KIF1C: variants seen among roughly 807,000 people sequenced by gnomAD.
KIF1C encodes kinesin-like protein KIF1C.
A neutral mutation model predicts 126.5 loss-of-function variants in KIF1C; 61 were observed. The observed-to-expected ratio is 0.48, with a 90% confidence interval of 0.39 to 0.60. The LOEUF (loss-of-function observed/expected upper bound fraction) is 0.60. Among genes scored for constraint, KIF1C ranks in the 20% least tolerant of loss-of-function variants. KIF1C has a pLI of 0.00. For missense variants in KIF1C, 1,315 were observed against 1,489.2 expected, an observed-to-expected ratio of 0.88 and a Z score of 1.93; for synonymous variants, 640 against 580.6, an observed-to-expected ratio of 1.10 and a Z score of -1.47.
In KIF1C at chr17:5,002,541, G is replaced by A. The variant is rs770604372; in HGVS notation, c.507G>A (p.Arg169=). The part of the protein sequence containing the change: ...NPKSRGSLRV[R]EHPILGPYVQ... ...AGAGTCGGGGTTCTCTGCGGGTCCG[G>A]GAGCACCCCATCCTGGGCCCGTACG... Residue 169 remains arginine, a synonymous_variant, in exon 7 of 23, where the codon CGG becomes CGA. Transcript: ENST00000320785. The A allele has an allele frequency of 1.1e-5, 18 of 1,613,922 alleles. No individual in the cohort carries two copies. The highest frequency in any genetic ancestry group is 1.1e-4 in the East Asian group (5 of 44,892).
chr17:5,013,752 C>CT lies in KIF1C; in HGVS notation c.1571+21dup. On this transcript the variant is annotated intron_variant, in intron 17 of 22. Transcript: ENST00000320785. ...CACCAGGTAGCGTGTACCCAGCGGCCTGGGGGGCAGCCTCTGCTTTTGGGG... is the reference window on the plus strand; with the variant it reads ...CACCAGGTAGCGTGTACCCAGCGGCCTTGGGGGGCAGCCTCTGCTTTTGGGG... The CT allele has an allele frequency of 6.2e-7, 1 of 1,603,894 alleles. No homozygotes were observed. Among genetic ancestry groups the CT allele is most frequent in the Non-Finnish European group, 8.5e-7 (1 of 1,171,484 alleles).
chr17:5,024,116 G>A lies in KIF1C; in HGVS notation c.3277G>A (p.Ala1093Thr), dbSNP rs1269241991. 1.3e-5 allele frequency: 21 copies of A among 1,610,528 alleles called. No homozygotes were observed. Among genetic ancestry groups the A allele is most frequent in the Non-Finnish European group, 1.6e-5 (19 of 1,178,516 alleles). Residue 1093 changes from alanine to threonine, a missense_variant, in exon 23 of 23, where the codon GCC becomes ACC. By Grantham distance (58) the Ala-to-Thr change is moderately conservative. Around this residue, in one of 2 missense-constraint regions of KIF1C, gnomAD observed 441 missense variants for 436.1 expected, o/e 1.01. Transcript: ENST00000320785. ...TPPRMRRQRS[A>T]PDLKESGAAV Reference sequence around the variant, plus strand: ...CCCACGAATGAGACGGCAGCGTTCTGCCCCTGACCTCAAGGAGAGTGGGGC... The same window carrying A: ...CCCACGAATGAGACGGCAGCGTTCTACCCCTGACCTCAAGGAGAGTGGGGC...
Position 5,004,080 on chromosome 17 carries a change from G to T in KIF1C, c.940+7G>T. Reference sequence around the variant, plus strand: ...CTGCTCAAGGAAAATTTGGGTGAGGGCCTCTTCCTCTTTCTCTGCCGACCC... The same window carrying T: ...CTGCTCAAGGAAAATTTGGGTGAGGTCCTCTTCCTCTTTCTCTGCCGACCC... On this transcript the variant is annotated splice_region_variant and intron_variant, in intron 11 of 22. Transcript: ENST00000320785. The T allele has an allele frequency of 6.2e-7, 1 of 1,601,248 alleles. No individual in the cohort carries two copies. Among genetic ancestry groups the T allele is most frequent in the Non-Finnish European group, 8.6e-7 (1 of 1,168,818 alleles).
At chr17:5,008,604 A>G (rs180880791) in intron 16 of KIF1C, among the ~76,000 whole-genome samples, 1 of 152,358 alleles carries the variant, frequency 6.6e-6, no homozygotes, top group Admixed American at 6.5e-5. Context: ...CTGGGGGACT[A>G]AGCAAGCAGG....
rs554913519 is a variant in KIF1C at position 5,023,311 on chromosome 17, G to A, written c.2629-157G>A. Among the ~76,000 whole-genome samples the A allele has an allele frequency of 5.3e-5, 8 of 152,152 alleles. No individual in the cohort carries two copies. In the South Asian group the frequency reaches 6.2e-4, roughly 12 times the overall value. On this transcript the variant is annotated intron_variant, in intron 22 of 22. Coordinates refer to ENST00000320785, the MANE Select transcript of KIF1C (RefSeq NM_006612.6). This position sits in a 1 kb window ranked among gnomAD's most constrained non-coding sequence, Gnocchi z 4.2. ...TGCGATTACAGGCGTGAGCCACTGC[G>A]CCCGGCCCTAAACCACTATTTTTCG...
In KIF1C at chr17:5,023,807, T is replaced by C; in HGVS notation, c.2968T>C (p.Ser990Pro). The C allele has an allele frequency of 6.6e-7, 1 of 1,516,496 alleles. No individual in the cohort carries two copies. Among genetic ancestry groups the C allele is most frequent in the Non-Finnish European group, 8.8e-7 (1 of 1,134,244 alleles). 93.9% of individuals were successfully genotyped at this position (1,516,496 alleles called of 1,614,324 possible). ...CAAGAGCAACCCCCAGCACCGGGAG[T>C]CTTGGCCAGGGATGGGGAGCGGGGA... ...PFKSNPQHRE[S>P]WPGMGSGEAP... Residue 990 changes from serine (S) to proline (P), a missense_variant, in exon 23 of 23, where the codon TCT (serine) becomes CCT (proline). Around this residue, in one of 2 missense-constraint regions of KIF1C, gnomAD observed 441 missense variants for 436.1 expected, o/e 1.01. Coordinates refer to ENST00000320785, the MANE Select transcript of KIF1C (RefSeq NM_006612.6). This position sits in a 1 kb window ranked among gnomAD's most constrained non-coding sequence, Gnocchi z 4.2.
intron 8 of KIF1C, among the ~76,000 whole-genome samples, chr17:5,003,350 C>T (rs951566547): frequency 6.6e-6 from 1 of 152,176 alleles, no homozygotes; most frequent in African/African-American, 2.4e-5. Context: ...CCCGGCTGTT[C>T]TTACGAGACC....
In KIF1C at chr17:5,023,390, G is replaced by A. The variant is rs1271342236; in HGVS notation, c.2629-78G>A. The A allele has an allele frequency of 4.0e-6, 5 of 1,237,320 alleles. No individual in the cohort carries two copies. The highest frequency in any genetic ancestry group is 1.5e-5 in the African/African-American group (1 of 67,070). 76.6% of individuals were successfully genotyped at this position (1,237,320 alleles called of 1,614,324 possible). A position where few individuals can be genotyped will look rare whatever the true frequency, so the allele number is the denominator to read the frequency against. On this transcript the variant is annotated intron_variant, in intron 22 of 22. Transcript: ENST00000320785. This position sits in a 1 kb window ranked among gnomAD's most constrained non-coding sequence, Gnocchi z 4.2. Reference sequence around the variant, plus strand: ...GACCCTTTGACATCCAGCCACTCCAGGTCCCTCTTGAATCCACATGTCCTG... The same window carrying A: ...GACCCTTTGACATCCAGCCACTCCAAGTCCCTCTTGAATCCACATGTCCTG...
chr17:5,002,327 CT>C (rs1974615406), intron 6 of KIF1C, 136 bp from the exon 7 acceptor site: 2 of 985,626 alleles, frequency 2.0e-6, no homozygotes, highest in East Asian at 4.8e-5. Context: ...GGGCAGGTCG[CT>C]GAGCTAGCAT....
At position 4,998,173 on chromosome 17, in the gene KIF1C, G is replaced by C. The variant is rs1047505591; in HGVS notation, c.-149+17G>C. ...CGCGCCGAGGTGAGGGCTGGGGAAGGGGGAGGGAAGGGACGCCCGCGGAGG... is the reference window on the plus strand; with the variant it reads ...CGCGCCGAGGTGAGGGCTGGGGAAGCGGGAGGGAAGGGACGCCCGCGGAGG... On this transcript the variant is annotated intron_variant, in intron 1 of 22. Transcript: ENST00000320785. 7 of 152,626 alleles carry C rather than the reference G, an allele frequency of 4.6e-5. No homozygotes were observed. Among genetic ancestry groups the C allele is most frequent in the Admixed American group, 3.3e-4 (5 of 15,314 alleles). 9.5% of individuals were successfully genotyped at this position (152,626 alleles called of 1,614,324 possible). A position where few individuals can be genotyped will look rare whatever the true frequency, so the allele number is the denominator to read the frequency against.
chr17:5,002,695 G>C (rs1202886057), intron 7 of KIF1C, 36 bp from the exon 8 acceptor site: 22 of 1,612,992 alleles, frequency 1.4e-5, no homozygotes, highest in Non-Finnish European at 1.9e-5. Context: ...GGGAAGGTGA[G>C]AGGCAGGATC....
Position 5,014,816 on chromosome 17 carries a change from A to C in KIF1C, c.1645A>C (p.Ile549Leu). ...GGAGCAACACTGTCTGTTCCGGAGC[A>C]TCCCCCAGCCAGATGGAGAAGGTAA... is the stretch of plus-strand genomic sequence containing the variant. ...IREQHCLFRSIPQPDGEVVVT... is the reference protein window; with the variant it reads ...IREQHCLFRSLPQPDGEVVVT... The change falls in exon 18 of 23, where the codon ATC becomes CTC. Residue 549 changes from isoleucine (I) to leucine (L), a missense_variant. This residue lies in a region of KIF1C where 874 missense variants were observed against 1,053.2 expected (regional missense o/e 0.83). Coordinates refer to ENST00000320785, the MANE Select transcript of KIF1C (RefSeq NM_006612.6). The C allele has an allele frequency of 1.3e-6, 2 of 1,597,764 alleles. No individual in the cohort carries two copies. The highest frequency in any genetic ancestry group is 1.7e-4 in the Middle Eastern group (1 of 6,054).
At chr17:5,014,186 C>G (rs1974925297) in intron 17 of KIF1C, 1 of 175,978 alleles carries the variant, frequency 5.7e-6, no homozygotes, top group African/African-American at 2.4e-5. Flanking sequence ...GTGCCCTTCC[C>G]CTCCCACCAC....
At chr17:5,017,813 G>A (rs1370531636) in intron 18 of KIF1C, among the ~76,000 whole-genome samples, 1 of 152,056 alleles carries the variant, frequency 6.6e-6, no homozygotes, top group African/African-American at 2.4e-5. Context: ...TGGCAGAACT[G>A]GATTCAGACA....
chr17:5,023,841 C>T lies in KIF1C; in HGVS notation c.3002C>T (p.Thr1001Ile). 2 of 1,519,872 alleles carry T rather than the reference C, an allele frequency of 1.3e-6. No individual in the cohort carries two copies. Among genetic ancestry groups the T allele is most frequent in the South Asian group, 1.3e-5 (1 of 75,844 alleles). The allele number at this position is 1,519,872 out of a possible 1,614,324, so 94.1% of individuals were successfully genotyped here. A position where few individuals can be genotyped will look rare whatever the true frequency, so the allele number is the denominator to read the frequency against. The part of the protein sequence containing the change: ...WPGMGSGEAP[T>I]PLQPPEEVTP... ...GGGATGGGGAGCGGGGAGGCTCCAA[C>T]TCCGCTCCAACCCCCTGAGGAGGTC... The change falls in exon 23 of 23, where the codon ACT (threonine) becomes ATT (isoleucine). Residue 1001 changes from threonine to isoleucine, a missense_variant. Physicochemically the swap from Thr to Ile is moderately conservative, Grantham distance 89. Around this residue, in one of 2 missense-constraint regions of KIF1C, gnomAD observed 441 missense variants for 436.1 expected, o/e 1.01. Coordinates refer to ENST00000320785, the MANE Select transcript of KIF1C (RefSeq NM_006612.6). This position sits in a 1 kb window ranked among gnomAD's most constrained non-coding sequence, Gnocchi z 4.2.
rs892641976 is a variant in KIF1C at position 5,023,055 on chromosome 17, G to A, written c.2628+346G>A. Among the ~76,000 whole-genome samples, 2 of 152,136 alleles carry A rather than the reference G, an allele frequency of 1.3e-5. No individual in the cohort carries two copies. Among genetic ancestry groups the A allele is most frequent in the African/African-American group, 4.8e-5 (2 of 41,412 alleles). Reference sequence around the variant, plus strand: ...TTCTGAGGTGAAGTCTTGCTCTGTTGCCAGTCTGGAGTGCAGTGGCACAAT... The same window carrying A: ...TTCTGAGGTGAAGTCTTGCTCTGTTACCAGTCTGGAGTGCAGTGGCACAAT... On this transcript the variant is annotated intron_variant, in intron 22 of 22. Coordinates refer to ENST00000320785, the MANE Select transcript of KIF1C (RefSeq NM_006612.6). This position sits in a 1 kb window ranked among gnomAD's most constrained non-coding sequence, Gnocchi z 4.2.
chr17:5,009,930 T>C (rs1974824927), intron 16 of KIF1C, among the ~76,000 whole-genome samples: 1 of 152,144 alleles, frequency 6.6e-6, no homozygotes, highest in Non-Finnish European at 1.5e-5. Context: ...ATATCTATTT[T>C]ATTTATTTAT....
rs1975169192 is a variant in KIF1C at position 5,024,417 on chromosome 17, A to G, written c.*266A>G. 2 of 382,502 alleles carry G rather than the reference A, an allele frequency of 5.2e-6. No homozygotes were observed. The highest frequency in any genetic ancestry group is 9.4e-6 in the Non-Finnish European group (2 of 213,616). 23.7% of individuals were successfully genotyped at this position (382,502 alleles called of 1,614,324 possible). A position where few individuals can be genotyped will look rare whatever the true frequency, so the allele number is the denominator to read the frequency against. On this transcript the variant is annotated 3_prime_UTR_variant, in exon 23 of 23. Coordinates refer to ENST00000320785, the MANE Select transcript of KIF1C (RefSeq NM_006612.6). The stretch of plus-strand genomic sequence containing the variant: ...CCCTTGCAAAGGGGGTGTGTCCCAC[A>G]AACGCTGCTATGGGTGGGGTGGGGG...
rs200046745 is a variant in KIF1C at position 5,010,087 on chromosome 17, G to C, written c.1491+2545G>C. Among the ~76,000 whole-genome samples the C allele has an allele frequency of 4.6e-5, 7 of 151,932 alleles. No individual in the cohort carries two copies. In the East Asian group the frequency reaches 1.2e-3, roughly 26 times the overall value. On this transcript the variant is annotated intron_variant, in intron 16 of 22. Transcript: ENST00000320785. ...GATTACAGGCACCCACCACCACGCC[G>C]GGCTAATTTTTGTATTTTAGTAGAG...
Sources: gnomAD v4.1 joint callset for allele counts (sites outside exome capture counted in the v4.1 genomes callset) on GRCh38, gnomAD v4.1.1 for gene constraint, gnomAD v4.1.1 regional missense constraint, Gnocchi (gnomAD v3.1) non-coding constraint, MANE v1.5 for transcripts, NCBI Gene and HGNC (gene_info 2026-07-23, HGNC 2026-07-21) for gene names.